The following CD109 variants were observed in gnomAD, a reference collection of about 807,000 sequenced individuals.
CD109 encodes CD109 molecule.
Under a neutral mutation model 165.8 loss-of-function variants are expected in CD109, and 149 were observed. The observed-to-expected ratio is 0.90, with a 90% CI of 0.79 to 1.03. CD109 has a LOEUF of 1.03. CD109 is among the 50% of genes least tolerant of loss of function. CD109 has a pLI of 0.00. For missense variants in CD109, 1,712 were observed against 1,677.8 expected (o/e 1.02, Z -0.36); for synonymous variants, 585 against 592.1 (o/e 0.99, Z 0.18).
rs1463138454 is a variant in CD109, at chr6:73,826,410, T to G, written c.*2777T>G. 1 of 152,196 alleles carries G rather than the reference T, an allele frequency of 6.6e-6. No homozygotes were observed. The highest frequency in any genetic ancestry group is 1.5e-5 in the Non-Finnish European group (1 of 68,040). 9.4% of individuals were successfully genotyped at this position (152,196 alleles called of 1,614,324 possible). ...CTTTTCCACTCACTGGGAACCTTAG[T>G]AAAACACCAGCATATCTTACCTCTC... is the stretch of plus-strand genomic sequence containing the variant. On this transcript the variant is annotated 3_prime_UTR_variant, in exon 33 of 33. Coordinates refer to ENST00000287097, the MANE Select transcript of CD109 (RefSeq NM_133493.5).
At chr6:73,791,164 T>TATACACACATACAC (rs1562070954) in intron 22 of CD109, among the ~76,000 whole-genome samples, 9 of 64,096 alleles carry the variant, frequency 1.4e-4, no homozygotes, top group African/African-American at 5.1e-4. Context: ...TATATATATA[T>TATACACACATACAC]ATATATATAT....
chr6:73,794,396 C>A (rs1037022702), intron 23 of CD109, among the ~76,000 whole-genome samples: 1 of 152,106 alleles, frequency 6.6e-6, no homozygotes, highest in Non-Finnish European at 1.5e-5. Context: ...GTATCACCAC[C>A]GTGTAAGAAG....
At position 73,807,281 on chromosome 6, in the gene CD109, G is replaced by T. The variant is rs543652175; in HGVS notation, c.3189+209G>T. On this transcript the variant is annotated intron_variant, in intron 25 of 32. Transcript: ENST00000287097. ...ACCCACTCTTTCAGAATAACTAAGA[G>T]AATTCTAAAAATGCTTTTTAATGTA... is the stretch of plus-strand genomic sequence containing the variant. Among the ~76,000 whole-genome samples, 6 of 152,214 alleles carry T rather than the reference G, an allele frequency of 3.9e-5. No homozygotes were observed. The South Asian group carries it at 1.0e-3, about 26-fold the overall frequency.
chr6:73,812,900 T>C (rs1156652234), intron 29 of CD109, among the ~76,000 whole-genome samples: 1 of 152,066 alleles, frequency 6.6e-6, no homozygotes. Flanking sequence ...CCAAAAATGG[T>C]TGTGTGCTTG....
At chr6:73,701,994 CT>C (rs1191524525) in intron 2 of CD109, among the ~76,000 whole-genome samples, 1 of 152,184 alleles carries the variant, frequency 6.6e-6, no homozygotes, top group Non-Finnish European at 1.5e-5. Flanking sequence ...ATTTTGGGAA[CT>C]CTGCATGGGC....
intron 2 of CD109, among the ~76,000 whole-genome samples, chr6:73,709,857 C>T (rs868181690): frequency 1.4e-4 from 22 of 152,088 alleles, no homozygotes; most frequent in South Asian, 2.1e-4. Context: ...ATTATCTCAA[C>T]AGATGCAGAA....
the CD109 span, among the ~76,000 whole-genome samples, chr6:73,688,639 TTC>T: frequency 1.3e-4 from 20 of 152,224 alleles, 2 homozygotes; most frequent in South Asian, 4.1e-3. Context: ...AGCCTGGAAC[TTC>T]TAGTGCACCC....
At chr6:73,713,432 T>A (rs1219593764) in intron 2 of CD109, among the ~76,000 whole-genome samples, 2 of 152,104 alleles carry the variant, frequency 1.3e-5, no homozygotes, top group African/African-American at 4.8e-5. Context: ...ATTTTTTTTT[T>A]AATAGAGATG....
intron 13 of CD109, 32 bp downstream of exon 13, chr6:73,767,042 T>C: frequency 6.4e-7 from 1 of 1,555,354 alleles, no homozygotes; most frequent in East Asian, 2.2e-5. Flanking sequence ...ATTTATGATC[T>C]ATTATAGAAT....
At chr6:73,805,686 C>T (rs1582189705) in intron 24 of CD109, among the ~76,000 whole-genome samples, 1 of 152,178 alleles carries the variant, frequency 6.6e-6, no homozygotes, top group South Asian at 2.1e-4. Flanking sequence ...GCAGAGGTCC[C>T]TGCAGCCTTC....
intron 30 of CD109, 43 bp from the exon 31 acceptor site, chr6:73,818,344 GT>G: frequency 6.2e-7 from 1 of 1,609,178 alleles, no homozygotes; most frequent in Non-Finnish European, 8.5e-7. Flanking sequence ...ACAGCTATGG[GT>G]TTTTCCTGAG....
intron 6 of CD109, among the ~76,000 whole-genome samples, chr6:73,757,640 G>A (rs1206043397): frequency 2.6e-5 from 4 of 152,168 alleles, no homozygotes; most frequent in South Asian, 2.1e-4. Context: ...GGCTAGTCCA[G>A]ATGGAGACAG....
In CD109 at chr6:73,825,599, T is replaced by C. The variant is rs1776246547; in HGVS notation, c.*1966T>C. 1 of 152,190 alleles carries C rather than the reference T, an allele frequency of 6.6e-6. No individual in the cohort carries two copies. Among genetic ancestry groups the C allele is most frequent in the Admixed American group, 6.5e-5 (1 of 15,280 alleles). The allele number at this position is 152,190 out of a possible 1,614,324, so 9.4% of individuals were successfully genotyped here. ...AATGGAAAGGCCATTGGAAGACAGG[T>C]TGTATCTTTTTTAGACCATATTTCC... On this transcript the variant is annotated 3_prime_UTR_variant, in exon 33 of 33. Transcript: ENST00000287097.
chr6:73,820,395 A>G, intron 31 of CD109, 66 bp from the exon 32 acceptor site: 1 of 814,422 alleles, frequency 1.2e-6, no homozygotes, highest in Non-Finnish European at 2.0e-6. Flanking sequence ...AGAAAAAAGA[A>G]ATGTCTTTAC....
At chr6:73,707,051 G>A (rs868212484) in intron 2 of CD109, among the ~76,000 whole-genome samples, 21 of 152,236 alleles carry the variant, frequency 1.4e-4, no homozygotes, top group South Asian at 2.1e-4. Context: ...TCCTGTGCCT[G>A]TGCTCTTCGC....
chr6:73,773,772 A>G (rs1391989176), intron 15 of CD109, among the ~76,000 whole-genome samples: 1 of 151,916 alleles, frequency 6.6e-6, no homozygotes, highest in Non-Finnish European at 1.5e-5. Context: ...TTGCCTTTCA[A>G]TCTATGCTGT....
chr6:73,752,812 G>A (rs1026117578), intron 5 of CD109, among the ~76,000 whole-genome samples: 1 of 152,182 alleles, frequency 6.6e-6, no homozygotes, highest in Non-Finnish European at 1.5e-5. Flanking sequence ...TGTTGGCAGA[G>A]TGAATGAGCA....
intron 22 of CD109, among the ~76,000 whole-genome samples, chr6:73,789,616 G>A (rs1774841279): frequency 7.8e-6 from 1 of 128,474 alleles, no homozygotes; most frequent in South Asian, 2.3e-4. Flanking sequence ...ACCATGCCTG[G>A]CTAATTTTTT....
chr6:73,822,324 TA>T (rs1413409853), intron 32 of CD109, among the ~76,000 whole-genome samples: 1 of 152,212 alleles, frequency 6.6e-6, no homozygotes, highest in African/African-American at 2.4e-5. Flanking sequence ...TAGGTAGTTG[TA>T]GATAATTACA....
Sources: allele counts gnomAD v4.1 joint callset (sites outside exome capture counted in the v4.1 genomes callset), GRCh38; gene constraint gnomAD v4.1.1; transcripts MANE v1.5; gene names NCBI Gene and HGNC (gene_info 2026-07-23, HGNC 2026-07-21).